HERC6: variants seen among roughly 807,000 people sequenced by gnomAD.
HERC6 encodes HECT and RLD domain containing E3 ubiquitin protein ligase family member 6.
A neutral mutation model predicts 114.5 loss-of-function variants in HERC6; 101 were observed. The observed-to-expected ratio is 0.88, with a 90% CI of 0.75 to 1.04. HERC6 has a LOEUF of 1.04. Ranked by LOEUF, HERC6 falls within the 50% of genes least tolerant of loss-of-function variation. HERC6 has a pLI of 0.00. For missense variants in HERC6, 1,133 were observed against 1,230.9 expected (o/e 0.92, Z 1.19); for synonymous variants, 408 against 436.2 (o/e 0.94, Z 0.81).
chr4:88,442,346 T>C lies in HERC6; in HGVS notation c.2955T>C (p.Cys985=). Residue 985 remains cysteine (C), a synonymous_variant, in exon 23 of 23, where the codon TGT becomes TGC. Coordinates refer to ENST00000264346, the MANE Select transcript of HERC6 (RefSeq NM_017912.4). ...GAGATCACCCAACATCAATAACTTG[T>C]CATAATATTCTCTCCCTCCCTAAGT... ...SERDHPTSIT[C]HNILSLPKYS... is the part of the protein sequence containing the mutation. 1 of 1,613,736 alleles carries C rather than the reference T, an allele frequency of 6.2e-7. No homozygotes were observed. The highest frequency in any genetic ancestry group is 8.5e-7 in the Non-Finnish European group (1 of 1,179,786).
chr4:88,435,238 C>T (rs535241849), intron 17 of HERC6, among the ~76,000 whole-genome samples: 6 of 152,046 alleles, frequency 3.9e-5, no homozygotes, highest in East Asian at 1.9e-4. Context: ...TGGTCCCTAG[C>T]GTCAGTCACC....
intron 1 of HERC6, 119 bp downstream of exon 1, chr4:88,379,239 G>A: frequency 7.4e-6 from 6 of 811,430 alleles, no homozygotes; most frequent in Admixed American, 6.3e-5. Flanking sequence ...GGGCGCGGGG[G>A]CCCAGGTGCA....
intron 8 of HERC6, chr4:88,399,093 A>T (rs764737252): frequency 9.2e-5 from 14 of 152,338 alleles, no homozygotes; most frequent in Non-Finnish European, 1.9e-4. Context: ...AGGCCTTCAT[A>T]GTTATTTTTC....
rs1375998312 is a variant in HERC6 at position 88,442,244 on chromosome 4, A to G, written c.2853A>G (p.Thr951=). The G allele has an allele frequency of 6.2e-7, 1 of 1,610,160 alleles. No homozygotes were observed. Among genetic ancestry groups the G allele is most frequent in the Non-Finnish European group, 8.5e-7 (1 of 1,177,832 alleles). The change falls in exon 23 of 23, where the codon ACA becomes ACG. Residue 951 remains threonine, a synonymous_variant. Coordinates refer to ENST00000264346, the MANE Select transcript of HERC6 (RefSeq NM_017912.4). The stretch of plus-strand genomic sequence containing the variant: ...TTTATTCCTTTCTAGTTTTCCTTAC[A>G]GGACGTGATAGGCTGCATGCAAGAG... ...DEKKKFLFFL[T]GRDRLHARGI...
In HERC6 at chr4:88,442,404, C is replaced by G. The variant is rs75754826; in HGVS notation, c.3013C>G (p.Gln1005Glu). ...STMERMEEAL[Q>E]VAINNNRGFV... ...AATGGAAAGAATGGAGGAAGCACTT[C>G]AAGTAGCCATCAACAACAACAGAGG... Residue 1005 changes from glutamine (Q) to glutamate (E), a missense_variant, in exon 23 of 23, where the codon CAA becomes GAA. Gln to Glu is a conservative substitution (Grantham distance 29, BLOSUM62 2). Transcript: ENST00000264346. 1.2e-5 allele frequency: 19 copies of G among 1,613,884 alleles called. No homozygotes were observed. Among genetic ancestry groups the G allele is most frequent in the Non-Finnish European group, 1.6e-5 (19 of 1,179,968 alleles).
chr4:88,425,327 C>G (rs888142051), intron 15 of HERC6, among the ~76,000 whole-genome samples: 1 of 152,162 alleles, frequency 6.6e-6, no homozygotes, highest in Non-Finnish European at 1.5e-5. Flanking sequence ...ATGAGTTAAT[C>G]ATGATATTTC....
At chr4:88,417,394 A>G (rs774346385) in intron 12 of HERC6, 31 bp from the exon 13 acceptor site, 14 of 1,593,658 alleles carry the variant, frequency 8.8e-6, no homozygotes, top group African/African-American at 2.7e-5. Context: ...TAGGAAAAAC[A>G]TATTTATCAT....
At chr4:88,434,452 T>A (rs1295304115) in intron 17 of HERC6, among the ~76,000 whole-genome samples, 1 of 152,126 alleles carries the variant, frequency 6.6e-6, no homozygotes, top group African/African-American at 2.4e-5. Context: ...GTGATTGCAT[T>A]TGAAAGTATA....
At chr4:88,439,047 G>A (rs909103932) in intron 20 of HERC6, among the ~76,000 whole-genome samples, 1 of 152,188 alleles carries the variant, frequency 6.6e-6, no homozygotes, top group African/African-American at 2.4e-5. Context: ...AAAGTGACAT[G>A]TGTTGTGAGA....
At chr4:88,395,684 A>ATT (rs996713815) in intron 5 of HERC6, among the ~76,000 whole-genome samples, 3 of 148,308 alleles carry the variant, frequency 2.0e-5, no homozygotes, top group African/African-American at 7.4e-5. Context: ...AATGCTAATG[A>ATT]TTTTTTTTTT....
intron 1 of HERC6, among the ~76,000 whole-genome samples, chr4:88,380,140 A>G (rs1194798168): frequency 0.013 from 415 of 31,776 alleles, 11 homozygotes; most frequent in Middle Eastern, 0.033. Flanking sequence ...AATATATATA[A>G]TATATAAATA....
chr4:88,431,315 T>G lies in HERC6; in HGVS notation c.2250+10T>G. 6.3e-7 allele frequency: 1 copy of G among 1,583,612 alleles called. No homozygotes were observed. The highest frequency in any genetic ancestry group is 2.2e-5 in the East Asian group (1 of 44,744). On this transcript the variant is annotated intron_variant, in intron 17 of 22. Transcript: ENST00000264346. ...GTGGTTTCCTGCCAAGGTAAGTCTT[T>G]TCTTTTTTTTTTTTCCCCCAGAACA...
intron 11 of HERC6, among the ~76,000 whole-genome samples, chr4:88,410,628 T>A (rs1380249257): frequency 6.6e-6 from 1 of 151,902 alleles, no homozygotes; most frequent in African/African-American, 2.4e-5. Context: ...ATATTGGGGG[T>A]TAGGATTTTA....
intron 20 of HERC6, among the ~76,000 whole-genome samples, 184 bp from the exon 21 acceptor site, chr4:88,439,690 A>T (rs780400945): frequency 3.3e-5 from 5 of 152,158 alleles, no homozygotes; most frequent in African/African-American, 4.8e-5. Flanking sequence ...TTCTGATTAT[A>T]TTTTCTAAAT....
chr4:88,423,178 G>C (rs1427680016), intron 13 of HERC6, among the ~76,000 whole-genome samples: 1 of 149,776 alleles, frequency 6.7e-6, no homozygotes, highest in Middle Eastern at 3.2e-3. Context: ...CTTAATTTAT[G>C]TTCTTAAGTT....
intron 11 of HERC6, among the ~76,000 whole-genome samples, chr4:88,410,308 A>G (rs886736303): frequency 4.6e-5 from 7 of 152,304 alleles, no homozygotes; most frequent in African/African-American, 1.4e-4. Flanking sequence ...TAGGTAGATG[A>G]GAGAAAAATG....
In HERC6 at chr4:88,378,975, G is replaced by A. The variant is rs61997163; in HGVS notation, c.54G>A (p.Ala18=). ...GGGAGCTGCAGCGCCGGAGGACGGCGGGCAGCCCCGGGGCTGAGCTACTGC... is the reference window on the plus strand; with the variant it reads ...GGGAGCTGCAGCGCCGGAGGACGGCAGGCAGCCCCGGGGCTGAGCTACTGC... ...DSRELQRRRT[A]GSPGAELLQA... Residue 18 remains alanine, a synonymous_variant, in exon 1 of 23, where the codon GCG becomes GCA. Coordinates refer to ENST00000264346, the MANE Select transcript of HERC6 (RefSeq NM_017912.4). 6,952 of 1,584,250 alleles carry A rather than the reference G, an allele frequency of 4.4e-3. 281 individuals carry two copies. In the Admixed American group the frequency reaches 0.091, roughly 21 times the overall value.
chr4:88,379,181 G>A (rs952659924), intron 1 of HERC6, 61 bp downstream of exon 1: 5 of 1,332,330 alleles, frequency 3.8e-6, no homozygotes, highest in African/African-American at 3.0e-5. Context: ...CGGGGGCTTG[G>A]GTACCGGGCG....
Position 88,439,878 on chromosome 4 carries a change from G to A in HERC6, c.2560G>A (p.Asp854Asn). The A allele has an allele frequency of 8.5e-7, 1 of 1,173,726 alleles. No individual in the cohort carries two copies. Among genetic ancestry groups the A allele is most frequent in the Non-Finnish European group, 1.2e-6 (1 of 859,432 alleles). The allele number at this position is 1,173,726 out of a possible 1,614,324, so 72.7% of individuals were successfully genotyped here. ...SIPVDQTNKR[D>N]YVSKYIDYIF... ...TTTTTTTTTGCTTCCCTCAAGGAGAGACTATGTTTCTAAGTATATTGATTA... is the reference window on the plus strand; with the variant it reads ...TTTTTTTTTGCTTCCCTCAAGGAGAAACTATGTTTCTAAGTATATTGATTA... The change falls in exon 21 of 23, where the codon GAC (aspartate) becomes AAC (asparagine). Residue 854 changes from aspartate to asparagine, a missense_variant. Asp to Asn is a conservative substitution (Grantham distance 23). Transcript: ENST00000264346.
Sources: allele counts gnomAD v4.1 joint callset (sites outside exome capture counted in the v4.1 genomes callset), GRCh38; gene constraint gnomAD v4.1.1; transcripts MANE v1.5; gene names NCBI Gene and HGNC (gene_info 2026-07-23, HGNC 2026-07-21).